ATP6V1B2: variants seen among roughly 807,000 people sequenced by gnomAD.
ATP6V1B2 encodes the protein V-type proton ATPase subunit B, brain isoform.
Under a neutral mutation model 66.7 loss-of-function variants are expected in ATP6V1B2, and 23 were observed. That is an observed-to-expected ratio of 0.34 (90% CI 0.25 to 0.49). ATP6V1B2 has a LOEUF of 0.49. Among genes scored for constraint, ATP6V1B2 ranks in the 20% least tolerant of loss-of-function variants. ATP6V1B2 has a pLI of 0.99. For synonymous variants in ATP6V1B2, 278 were observed against 236.7 expected, an observed-to-expected ratio of 1.17 and a Z score of -1.60; for missense variants, 478 against 650.8, an observed-to-expected ratio of 0.73 and a Z score of 2.89.
intron 1 of ATP6V1B2, among the ~76,000 whole-genome samples, chr8:20,202,323 G>A (rs1037503904): frequency 3.9e-5 from 6 of 152,064 alleles, no homozygotes; most frequent in Non-Finnish European, 8.8e-5. Context: ...TTGTGTCCTT[G>A]GGCAAGACAC....
At chr8:20,217,352 T>C in intron 12 of ATP6V1B2, 28 bp downstream of exon 12, 3 of 1,564,400 alleles carry the variant, frequency 1.9e-6, no homozygotes. Flanking sequence ...AGAATGGTGT[T>C]TGAAAATATG....
At chr8:20,202,218 A>G (rs1038468494) in intron 1 of ATP6V1B2, among the ~76,000 whole-genome samples, 1 of 152,228 alleles carries the variant, frequency 6.6e-6, no homozygotes, top group African/African-American at 2.4e-5. Flanking sequence ...ACAAAAAATG[A>G]ACCAGTTCAG....
chr8:20,208,289 G>C (rs973730994), intron 2 of ATP6V1B2, among the ~76,000 whole-genome samples: 3 of 152,160 alleles, frequency 2.0e-5, no homozygotes, highest in Admixed American at 6.5e-5. Flanking sequence ...ACTGGTAAAA[G>C]AACAGCTGAA....
intron 1 of ATP6V1B2, chr8:20,203,890 C>T: frequency 2.3e-6 from 1 of 435,102 alleles, no homozygotes; most frequent in Non-Finnish European, 4.6e-6. Flanking sequence ...CCATTGCCTA[C>T]TCCGTCCTTC....
At chr8:20,213,076 A>G (rs2072811868) in intron 9 of ATP6V1B2, 171 bp downstream of exon 9, 1 of 787,710 alleles carries the variant, frequency 1.3e-6, no homozygotes, top group African/African-American at 1.8e-5. Context: ...TCAACTTGGT[A>G]GAAGTGATTA....
intron 13 of ATP6V1B2, among the ~76,000 whole-genome samples, chr8:20,218,768 C>A (rs1318781260): frequency 6.6e-6 from 1 of 152,136 alleles, no homozygotes; most frequent in East Asian, 1.9e-4. Context: ...GTGCTGTGGG[C>A]TCTATGATGT....
Position 20,204,142 on chromosome 8 carries a change from A to C in ATP6V1B2, c.137-342A>C, listed in dbSNP as rs1371617889. The C allele has an allele frequency of 1.5e-5, 6 of 395,666 alleles. No homozygotes were observed. In the East Asian group the frequency reaches 4.0e-4, roughly 26 times the overall value. The allele number at this position is 395,666 out of a possible 1,614,324, so 24.5% of individuals were successfully genotyped here. ...CACAAACCCTGTGCAGGCCATAGTTAGAGCCCTTATCTCATCACATTCTAA... is the reference window on the plus strand; with the variant it reads ...CACAAACCCTGTGCAGGCCATAGTTCGAGCCCTTATCTCATCACATTCTAA... On this transcript the variant is annotated intron_variant, in intron 1 of 13. Coordinates refer to ENST00000276390, the MANE Select transcript of ATP6V1B2 (RefSeq NM_001693.4).
At chr8:20,219,207 T>A (rs369748668) in intron 13 of ATP6V1B2, among the ~76,000 whole-genome samples, 14 of 152,156 alleles carry the variant, frequency 9.2e-5, no homozygotes, top group African/African-American at 3.4e-4. Context: ...GATTTTGCAT[T>A]TCTGTGAATT....
intron 1 of ATP6V1B2, 21 bp downstream of exon 1, chr8:20,197,563 C>A: frequency 7.4e-7 from 1 of 1,352,514 alleles, no homozygotes; most frequent in Non-Finnish European, 9.6e-7. Context: ...GAGAGTAATA[C>A]GTCTCCGGTC....
In ATP6V1B2 at chr8:20,197,524, C is replaced by G. The variant is rs753886678; in HGVS notation, c.118C>G (p.Leu40Val). ...EQALAVSRNY[L>V]SQPRLTYKTV... ...GGCGCTGGCAGTCAGTCGGAACTAC[C>G]TCTCCCAGCCTCGCCTCAGTGAGTA... The change falls in exon 1 of 14, where the codon CTC (leucine) becomes GTC (valine). Residue 40 changes from leucine (L) to valine (V), a missense_variant. Leu to Val is a conservative substitution (Grantham distance 32). Coordinates refer to ENST00000276390, the MANE Select transcript of ATP6V1B2 (RefSeq NM_001693.4). The G allele has an allele frequency of 9.0e-6, 13 of 1,448,418 alleles. No individual in the cohort carries two copies. The highest frequency in any genetic ancestry group is 5.1e-5 in the Admixed American group (2 of 38,846). 89.7% of individuals were successfully genotyped at this position (1,448,418 alleles called of 1,614,324 possible).
intron 1 of ATP6V1B2, among the ~76,000 whole-genome samples, chr8:20,203,250 T>C (rs1285071813): frequency 6.6e-6 from 1 of 152,210 alleles, no homozygotes; most frequent in African/African-American, 2.4e-5. Context: ...CAATTACTGA[T>C]GTATTCAAGC....
At chr8:20,204,168 C>T (rs2072715239) in intron 1 of ATP6V1B2, 2 of 386,308 alleles carry the variant, frequency 5.2e-6, no homozygotes, top group Non-Finnish European at 9.9e-6. Flanking sequence ...CACATTCTAA[C>T]TCCACCCCCT....
intron 2 of ATP6V1B2, among the ~76,000 whole-genome samples, chr8:20,206,304 A>C (rs1288283055): frequency 6.6e-6 from 1 of 152,166 alleles, no homozygotes; most frequent in Non-Finnish European, 1.5e-5. Context: ...CACTGCAAAG[A>C]GTTGTGTGTA....
intron 1 of ATP6V1B2, among the ~76,000 whole-genome samples, chr8:20,198,834 C>T (rs1334179426): frequency 1.3e-5 from 2 of 152,082 alleles, no homozygotes; most frequent in African/African-American, 4.8e-5. Context: ...GGGAATTGTT[C>T]GAATTAGAAA....
chr8:20,209,299 C>G lies in ATP6V1B2; in HGVS notation c.193-134C>G, dbSNP rs558992680. 684 of 796,624 alleles carry G rather than the reference C, an allele frequency of 8.6e-4. 2 individuals are homozygous for G. The highest frequency in any genetic ancestry group is 1.2e-3 in the Non-Finnish European group (616 of 503,942). 49.3% of individuals were successfully genotyped at this position (796,624 alleles called of 1,614,324 possible). On this transcript the variant is annotated intron_variant, in intron 2 of 13. Transcript: ENST00000276390. ...AAACTACCTGAGGGTATTGAAAGCT[C>G]TCAGCAAAAACCTGTGTCTGTGAAG...
At chr8:20,204,083 G>C (rs1371747315) in intron 1 of ATP6V1B2, 3 of 447,718 alleles carry the variant, frequency 6.7e-6, no homozygotes, top group African/African-American at 6.1e-5. Context: ...TTCTCCCTGA[G>C]GTGAGAACTA....
chr8:20,208,705 C>CTTT (rs946817192), intron 2 of ATP6V1B2, among the ~76,000 whole-genome samples: 1 of 126,316 alleles, frequency 7.9e-6, no homozygotes. Flanking sequence ...TATTTAGTAA[C>CTTT]TTTCTTTTTT....
chr8:20,214,741 C>T (rs1210226227), intron 9 of ATP6V1B2, 77 bp from the exon 10 acceptor site: 50 of 1,422,208 alleles, frequency 3.5e-5, no homozygotes, highest in Non-Finnish European at 2.9e-5. Context: ...TGTACTTTGG[C>T]ATGTTGAAAC....
At chr8:20,201,252 T>C (rs2072683629) in intron 1 of ATP6V1B2, among the ~76,000 whole-genome samples, 1 of 152,174 alleles carries the variant, frequency 6.6e-6, no homozygotes, top group South Asian at 2.1e-4. Flanking sequence ...TCTTTTTCAT[T>C]TGGAGAGGAG....
Sources: allele counts gnomAD v4.1 joint callset (sites outside exome capture counted in the v4.1 genomes callset), GRCh38; gene constraint gnomAD v4.1.1; transcripts MANE v1.5; gene names NCBI Gene and HGNC (gene_info 2026-07-23, HGNC 2026-07-21).